The following UTP14A variants were observed in gnomAD, a reference collection of about 807,000 sequenced individuals.
The protein encoded by UTP14A is UTP14A small subunit processome component, also known as U3 small nucleolar RNA-associated protein 14 homolog A.
Under a neutral mutation model 57.2 loss-of-function variants are expected in UTP14A, and 5 were observed. The observed-to-expected ratio is 0.09, with a 90% CI of 0.05 to 0.18. The LOEUF is 0.18. UTP14A is among the 10% of genes least tolerant of loss of function. UTP14A has a pLI of 1.00. For missense variants in UTP14A, 430 were observed against 562.1 expected, an observed-to-expected ratio of 0.76 and a Z score of 2.38; for synonymous variants, 169 against 210.9, an observed-to-expected ratio of 0.80 and a Z score of 1.72.
intron 6 of UTP14A, among the ~76,000 whole-genome samples, chrX:129,914,242 A>G (rs1340545331): frequency 9.0e-6 from 1 of 111,289 alleles, no homozygotes; most frequent in Non-Finnish European, 1.9e-5. Context: ...GCAAAGTACC[A>G]ACAACTAGTA....
intron 6 of UTP14A, among the ~76,000 whole-genome samples, chrX:129,915,000 T>G (rs1402659172): frequency 9.7e-6 from 1 of 103,223 alleles, no homozygotes; most frequent in African/African-American, 3.6e-5. Flanking sequence ...TCACCTGAGG[T>G]TAGGAGTTTG....
chrX:129,917,769 C>A (rs989666363), intron 6 of UTP14A, among the ~76,000 whole-genome samples: 1 of 110,675 alleles, frequency 9.0e-6, no homozygotes, highest in African/African-American at 3.3e-5. Flanking sequence ...TGGGCTCAAG[C>A]AATCCTCCTG....
At chrX:129,913,380 A>G (rs757181311) in intron 6 of UTP14A, 1 of 329,590 alleles carries the variant, frequency 3.0e-6, no homozygotes, top group East Asian at 9.9e-5. Context: ...GAGACTTTAG[A>G]AAAAAAAAAT....
At chrX:129,920,909 G>A (rs2124211728) in intron 10 of UTP14A, 157 bp downstream of exon 10, 1 of 752,565 alleles carries the variant, frequency 1.3e-6, no homozygotes, top group Non-Finnish European at 1.6e-6. Context: ...GAACAAGGTG[G>A]AAAAGGAGAG....
At position 129,906,195 on chromosome X, in the gene UTP14A, G is replaced by A; in HGVS notation, c.-16G>A. The A allele has an allele frequency of 1.7e-6, 2 of 1,211,043 alleles. No individual in the cohort carries two copies. Among genetic ancestry groups the A allele is most frequent in the East Asian group, 3.0e-5 (1 of 33,803 alleles). On this transcript the variant is annotated 5_prime_UTR_variant, in exon 1 of 15. Coordinates refer to ENST00000394422, the MANE Select transcript of UTP14A (RefSeq NM_006649.4). ...GCTTCCGTTCTTGGTCCATGTGAGA[G>A]AAGCTGGCTGCTGAAATGACTGCGA...
At chrX:129,923,638 A>G (rs1286776509) in intron 11 of UTP14A, among the ~76,000 whole-genome samples, 2 of 111,745 alleles carry the variant, frequency 1.8e-5, no homozygotes, top group Non-Finnish European at 3.8e-5. Flanking sequence ...AGTGTGAGCT[A>G]CATCCACTGG....
chrX:129,914,533 C>T (rs1336101631), intron 6 of UTP14A, among the ~76,000 whole-genome samples: 2 of 108,289 alleles, frequency 1.8e-5, no homozygotes, highest in African/African-American at 6.7e-5. Flanking sequence ...GCCGAGATCA[C>T]GCCACTGCAC....
intron 8 of UTP14A, among the ~76,000 whole-genome samples, chrX:129,920,112 C>A (rs1439649316): frequency 9.0e-6 from 1 of 111,277 alleles, no homozygotes; most frequent in Non-Finnish European, 1.9e-5. Context: ...TCGCTTGAGC[C>A]CAGCGGGTGG....
chrX:129,921,904 A>C, intron 11 of UTP14A: 1 of 213,399 alleles, frequency 4.7e-6, no homozygotes, highest in South Asian at 1.7e-4. Context: ...CGTTCCTGGT[A>C]CCTACACACC....
intron 14 of UTP14A, 40 bp downstream of exon 14, chrX:129,926,379 T>A: frequency 8.9e-7 from 1 of 1,119,840 alleles, no homozygotes; most frequent in Non-Finnish European, 1.2e-6. Context: ...TGCTTGTTAC[T>A]GCCTGGCTCT....
At chrX:129,923,708 G>C (rs1929992906) in intron 11 of UTP14A, among the ~76,000 whole-genome samples, 1 of 112,028 alleles carries the variant, frequency 8.9e-6, no homozygotes, top group African/African-American at 3.2e-5. Flanking sequence ...ACTGCTTTAA[G>C]ATATGGAGTA....
intron 6 of UTP14A, among the ~76,000 whole-genome samples, chrX:129,917,357 T>C (rs1929730010): frequency 8.9e-6 from 1 of 112,280 alleles, no homozygotes; most frequent in African/African-American, 3.2e-5. Flanking sequence ...TATGCATTTA[T>C]CCAAATATTT....
At chrX:129,908,960 GATACTT>G (rs749931754) in intron 4 of UTP14A, among the ~76,000 whole-genome samples, 11 of 111,928 alleles carry the variant, frequency 9.8e-5, no homozygotes, top group South Asian at 7.3e-4. Flanking sequence ...AGTTTGATGA[GATACTT>G]ATAGGATAGA....
chrX:129,918,296 A>G (rs1387742199), intron 6 of UTP14A, among the ~76,000 whole-genome samples: 1 of 107,908 alleles, frequency 9.3e-6, no homozygotes, highest in Non-Finnish European at 1.9e-5. Context: ...CTGAGGCAGA[A>G]GGATCACTTG....
chrX:129,928,254 A>G (rs1476226793), intron 14 of UTP14A, among the ~76,000 whole-genome samples: 2 of 107,079 alleles, frequency 1.9e-5, no homozygotes, highest in East Asian at 2.9e-4. Flanking sequence ...GCATGGTGGC[A>G]GGCCCCTGTA....
intron 11 of UTP14A, chrX:129,922,588 T>G (rs1929957075): frequency 9.0e-6 from 1 of 110,506 alleles, no homozygotes. Context: ...CATGCTGAGC[T>G]AAGTTTTTGT....
intron 6 of UTP14A, chrX:129,913,320 T>C (rs1929550122): frequency 6.0e-6 from 2 of 334,125 alleles, no homozygotes; most frequent in African/African-American, 5.4e-5. Flanking sequence ...GAGGCTTCCT[T>C]TTCTACATGA....
intron 11 of UTP14A, chrX:129,922,326 A>G (rs1238906246): frequency 8.9e-6 from 1 of 112,625 alleles, no homozygotes; most frequent in Non-Finnish European, 1.9e-5. Flanking sequence ...TCACTTGGCT[A>G]TCTGGACAAA....
At chrX:129,928,481 C>T (rs1195007564) in intron 14 of UTP14A, among the ~76,000 whole-genome samples, 2 of 107,915 alleles carry the variant, frequency 1.9e-5, no homozygotes, top group East Asian at 2.9e-4. Context: ...CCTGGCCAGG[C>T]GCGGTGGCTC....
Sources: allele counts gnomAD v4.1 joint callset (sites outside exome capture counted in the v4.1 genomes callset), GRCh38; gene constraint gnomAD v4.1.1; transcripts MANE v1.5; gene names NCBI Gene and HGNC (gene_info 2026-07-23, HGNC 2026-07-21).